Variants in PTPRM observed in about 807,000 individuals in gnomAD.
PTPRM encodes receptor-type tyrosine-protein phosphatase mu.
Under a neutral mutation model 186.7 loss-of-function variants are expected in PTPRM, and 47 were observed. That is an observed-to-expected ratio of 0.25 (90% confidence interval 0.20 to 0.32). PTPRM has a LOEUF of 0.32. Among genes scored for constraint, PTPRM ranks in the 10% least tolerant of loss-of-function variants. The pLI, the probability that PTPRM is intolerant of heterozygous loss-of-function variation, is 1.00. For synonymous variants in PTPRM, 668 were observed against 674.9 expected, an observed-to-expected ratio of 0.99 and a Z score of 0.16; for missense variants, 1,494 against 1,865.0, an observed-to-expected ratio of 0.80 and a Z score of 3.66.
At chr18:7,651,740 C>T (rs1489226020) in intron 1 of PTPRM, among the ~76,000 whole-genome samples, 1 of 152,040 alleles carries the variant, frequency 6.6e-6, no homozygotes, top group Non-Finnish European at 1.5e-5. Flanking sequence ...ACACCTTATA[C>T]AAAAATCAAT....
chr18:7,919,458 C>T (rs573752170), intron 4 of PTPRM, among the ~76,000 whole-genome samples: 1 of 152,228 alleles, frequency 6.6e-6, no homozygotes, highest in East Asian at 1.9e-4. Flanking sequence ...GGATTTTCCT[C>T]TTAATTTCTT....
intron 7 of PTPRM, among the ~76,000 whole-genome samples, chr18:8,000,427 G>T (rs1243881702): frequency 6.6e-6 from 1 of 152,142 alleles, no homozygotes; most frequent in Non-Finnish European, 1.5e-5. Context: ...GTCTTACTGT[G>T]TGCCAATAAG....
At chr18:8,241,164 C>T (rs2094431131) in intron 14 of PTPRM, among the ~76,000 whole-genome samples, 1 of 152,074 alleles carries the variant, frequency 6.6e-6, no homozygotes, top group South Asian at 2.1e-4. Context: ...CCCACCTCTA[C>T]TAAAAATACA....
At chr18:7,597,823 G>C (rs577504893) in intron 1 of PTPRM, among the ~76,000 whole-genome samples, 1 of 152,176 alleles carries the variant, frequency 6.6e-6, no homozygotes, top group African/African-American at 2.4e-5. Context: ...CTATTTGAAA[G>C]AGAGTACAAA....
At chr18:8,218,695 G>A (rs2094118468) in intron 14 of PTPRM, among the ~76,000 whole-genome samples, 1 of 152,168 alleles carries the variant, frequency 6.6e-6, no homozygotes, top group South Asian at 2.1e-4. Flanking sequence ...TTTTGTGCAT[G>A]AAGCATGGGT....
At position 8,370,091 on chromosome 18, in the gene PTPRM, C is replaced by T. The variant is rs73939452; in HGVS notation, c.3055-799C>T. On this transcript the variant is annotated intron_variant, in intron 23 of 32. Coordinates refer to ENST00000580170, the MANE Select transcript of PTPRM (RefSeq NM_001105244.2). The stretch of plus-strand genomic sequence containing the variant: ...GAAAATGCCAGGAATCCTGGGGAGG[C>T]AGAAGAGGCCAAGGACAGAGCTTTG... 4.3e-3 allele frequency among the ~76,000 whole-genome samples: 643 copies of T among 150,802 alleles called. 5 individuals carry two copies. Among genetic ancestry groups the T allele is most frequent in the African/African-American group, 0.015 (611 of 40,988 alleles).
chr18:8,203,975 C>T (rs1188166820), intron 14 of PTPRM, among the ~76,000 whole-genome samples: 3 of 152,162 alleles, frequency 2.0e-5, no homozygotes, highest in Non-Finnish European at 2.9e-5. Context: ...GTACACCCAG[C>T]GACCTCCAGA....
intron 14 of PTPRM, among the ~76,000 whole-genome samples, chr18:8,238,661 T>TTG (rs2094378207): frequency 4.4e-5 from 6 of 136,714 alleles, no homozygotes; most frequent in Middle Eastern, 3.6e-3. Context: ...GTTTTTTTTT[T>TTG]TTTTTTTTTT....
intron 24 of PTPRM, among the ~76,000 whole-genome samples, chr18:8,372,282 G>A (rs982815364): frequency 7.0e-6 from 1 of 142,932 alleles, no homozygotes; most frequent in Non-Finnish European, 1.5e-5. Context: ...CACCTTGTTA[G>A]CCAGGATGGT....
At chr18:8,066,150 T>C (rs2148411125) in intron 7 of PTPRM, among the ~76,000 whole-genome samples, 1 of 152,266 alleles carries the variant, frequency 6.6e-6, no homozygotes, top group Admixed American at 6.5e-5. Context: ...GAAAAAAAAG[T>C]AAAAACAAAG....
chr18:7,763,135 C>T (rs1322551895), intron 1 of PTPRM, among the ~76,000 whole-genome samples: 12 of 152,188 alleles, frequency 7.9e-5, no homozygotes, highest in Admixed American at 5.2e-4. Context: ...CCTGCACCCC[C>T]TTGTCATTGG....
At chr18:7,933,847 T>C (rs994961744) in intron 5 of PTPRM, among the ~76,000 whole-genome samples, 1 of 152,194 alleles carries the variant, frequency 6.6e-6, no homozygotes, top group Admixed American at 6.5e-5. Flanking sequence ...CTCTGCTGCT[T>C]CAGGCTATAT....
chr18:8,398,119 C>T (rs914711369), intron 32 of PTPRM, among the ~76,000 whole-genome samples: 3 of 152,146 alleles, frequency 2.0e-5, no homozygotes, highest in African/African-American at 7.2e-5. Flanking sequence ...ACTAAAGGGG[C>T]ATGCAACCAT....
At chr18:8,132,186 G>A (rs2092527972) in intron 13 of PTPRM, among the ~76,000 whole-genome samples, 1 of 152,140 alleles carries the variant, frequency 6.6e-6, no homozygotes, top group South Asian at 2.1e-4. Context: ...TTTTACTCAG[G>A]ATTTTATGTA....
intron 17 of PTPRM, among the ~76,000 whole-genome samples, chr18:8,249,015 C>T (rs1030453029): frequency 6.6e-6 from 1 of 151,910 alleles, no homozygotes; most frequent in Non-Finnish European, 1.5e-5. Flanking sequence ...ATTTGAGACG[C>T]ATAAATAACC....
intron 2 of PTPRM, among the ~76,000 whole-genome samples, chr18:7,861,155 G>A (rs969965340): frequency 3.3e-5 from 5 of 151,988 alleles, no homozygotes; most frequent in Admixed American, 1.3e-4. Context: ...TAGGCTCTTC[G>A]CTCTGTTTCT....
At chr18:8,344,625 T>G (rs2095495712) in intron 23 of PTPRM, among the ~76,000 whole-genome samples, 1 of 151,896 alleles carries the variant, frequency 6.6e-6, no homozygotes, top group Non-Finnish European at 1.5e-5. Flanking sequence ...TAGCCCTTAA[T>G]AAAGACAGCT....
chr18:7,722,539 T>TA (rs2040467505), intron 1 of PTPRM, among the ~76,000 whole-genome samples: 1 of 152,082 alleles, frequency 6.6e-6, no homozygotes, highest in Non-Finnish European at 1.5e-5. Context: ...AAAATGTGGG[T>TA]AAATTCACTT....
In PTPRM at chr18:8,070,048, C is replaced by T. The variant is rs2089364745; in HGVS notation, c.1441+54C>T. 6 of 1,493,926 alleles carry T rather than the reference C, an allele frequency of 4.0e-6. No individual in the cohort carries two copies. The East Asian group carries it at 9.1e-5, about 23-fold the overall frequency. The allele number at this position is 1,493,926 out of a possible 1,614,324, so 92.5% of individuals were successfully genotyped here. On this transcript the variant is annotated intron_variant, in intron 8 of 32. Transcript: ENST00000580170. ...TAAAACATGTTCTTTCAAAAAACAA[C>T]TTTTGTTTCGAGATCTTTGCTGTGC...
Sources: allele counts gnomAD v4.1 joint callset (sites outside exome capture counted in the v4.1 genomes callset), GRCh38; gene constraint gnomAD v4.1.1; transcripts MANE v1.5; gene names NCBI Gene and HGNC (gene_info 2026-07-23, HGNC 2026-07-21).